Variants in FILIP1 observed in about 807,000 individuals in gnomAD.
The protein encoded by FILIP1 is filamin A interacting protein 1, also known as filamin-A-interacting protein 1.
A neutral mutation model predicts 102.1 loss-of-function variants in FILIP1; 61 were observed. That is an observed-to-expected ratio of 0.60 (90% confidence interval 0.49 to 0.74). The LOEUF (loss-of-function observed/expected upper bound fraction) is 0.74, where lower values mean the gene tolerates loss of function less well. FILIP1 is among the 30% of genes least tolerant of loss of function. The pLI is 0.00. For synonymous variants in FILIP1, 491 were observed against 526.9 expected (o/e 0.93, Z 0.93); for missense variants, 1,314 against 1,441.2 (o/e 0.91, Z 1.43).
At chr6:75,454,739 C>T (rs552562527) in intron 1 of FILIP1, among the ~76,000 whole-genome samples, 5 of 152,256 alleles carry the variant, frequency 3.3e-5, no homozygotes, top group Admixed American at 6.5e-5. Context: ...CAATCTTTTG[C>T]TTGTCAATGT....
At chr6:75,351,114 T>G (rs1410883570) in intron 4 of FILIP1, among the ~76,000 whole-genome samples, 1 of 152,146 alleles carries the variant, frequency 6.6e-6, no homozygotes, top group Non-Finnish European at 1.5e-5. Flanking sequence ...TTGCCCAGGC[T>G]GGAGTGCAAT....
chr6:75,312,175 G>A (rs140908503), intron 5 of FILIP1, among the ~76,000 whole-genome samples: 22 of 152,298 alleles, frequency 1.4e-4, no homozygotes, highest in African/African-American at 4.8e-4. Context: ...TAATTTACAT[G>A]AATAGGTGAA....
chr6:75,435,678 C>G (rs942102769), intron 1 of FILIP1, among the ~76,000 whole-genome samples: 3 of 152,188 alleles, frequency 2.0e-5, no homozygotes, highest in Admixed American at 1.3e-4. Flanking sequence ...CTCTTAAATG[C>G]TGTCCTGACA....
intron 6 of FILIP1, among the ~76,000 whole-genome samples, chr6:75,297,900 A>G (rs1772726440): frequency 6.6e-6 from 1 of 152,234 alleles, no homozygotes; most frequent in Admixed American, 6.5e-5. Context: ...CACAGTACAA[A>G]ATAAGGGTAT....
At chr6:75,322,075 T>G (rs986517641) in intron 4 of FILIP1, among the ~76,000 whole-genome samples, 1 of 152,194 alleles carries the variant, frequency 6.6e-6, no homozygotes, top group Non-Finnish European at 1.5e-5. Context: ...CCCAGTCGAT[T>G]CAGCATTCCA....
At chr6:75,380,845 T>C (rs562057354) in intron 2 of FILIP1, among the ~76,000 whole-genome samples, 1 of 152,206 alleles carries the variant, frequency 6.6e-6, no homozygotes, top group Admixed American at 6.5e-5. Flanking sequence ...ATGGAAAAAA[T>C]ACATGTGAAG....
At chr6:75,364,798 A>T (rs1049163708) in intron 2 of FILIP1, among the ~76,000 whole-genome samples, 1 of 152,234 alleles carries the variant, frequency 6.6e-6, no homozygotes, top group Non-Finnish European at 1.5e-5. Context: ...CCTTGGCATC[A>T]TCCAAAGTAA....
intron 2 of FILIP1, among the ~76,000 whole-genome samples, chr6:75,369,322 T>G (rs927514601): frequency 1.2e-4 from 19 of 152,168 alleles, no homozygotes; most frequent in African/African-American, 4.3e-4. Flanking sequence ...TCTGGACTTT[T>G]GCAAACCAGG....
intron 4 of FILIP1, among the ~76,000 whole-genome samples, chr6:75,323,370 T>C (rs1465722536): frequency 6.6e-6 from 1 of 152,134 alleles, no homozygotes; most frequent in African/African-American, 2.4e-5. Flanking sequence ...TATATCTCAA[T>C]TAAAAACCAG....
intron 2 of FILIP1, chr6:75,398,806 T>C (rs185580926): frequency 6.6e-6 from 1 of 152,252 alleles, no homozygotes; most frequent in East Asian, 1.9e-4. Context: ...TTTACATGAA[T>C]AGTGTAAGCC....
At position 75,312,980 on chromosome 6, in the gene FILIP1, C is replaced by T; in HGVS notation, c.2852G>A (p.Arg951Lys). ...GTTTGGTGATGGAATAATGGTTATT[C>T]TTGGTTTCTGATTCCCTAAGGTAGG... is the stretch of plus-strand genomic sequence containing the variant. ...VIPTLGNQKP[R>K]ITIIPSPNVM... Residue 951 changes from arginine (R) to lysine (K), a missense_variant, in exon 5 of 6, where the codon AGA (arginine) becomes AAA (lysine). By Grantham distance (26) the Arg-to-Lys change is conservative. This residue lies in a region of FILIP1 where 816 missense variants were observed against 913.1 expected (regional missense o/e 0.89). Coordinates refer to ENST00000237172, the MANE Select transcript of FILIP1 (RefSeq NM_015687.5). 3 of 1,614,034 alleles carry T rather than the reference C, an allele frequency of 1.9e-6. No individual in the cohort carries two copies. The highest frequency in any genetic ancestry group is 2.5e-6 in the Non-Finnish European group (3 of 1,179,984).
At chr6:75,297,061 T>A (rs1208166182) in intron 6 of FILIP1, 4 of 152,128 alleles carry the variant, frequency 2.6e-5, no homozygotes, top group Non-Finnish European at 5.9e-5. Flanking sequence ...AAAGAAAATA[T>A]TCAAACTTCA....
intron 4 of FILIP1, among the ~76,000 whole-genome samples, chr6:75,347,986 G>A (rs2149595503): frequency 6.6e-6 from 1 of 151,848 alleles, no homozygotes; most frequent in South Asian, 2.1e-4. Context: ...AGTCCCAGCT[G>A]AGCCTATAAA....
At chr6:75,423,849 G>A (rs912480349) in intron 1 of FILIP1, among the ~76,000 whole-genome samples, 4 of 152,104 alleles carry the variant, frequency 2.6e-5, no homozygotes, top group Admixed American at 6.6e-5. Flanking sequence ...AGAGTTTATC[G>A]AATCCTGAAG....
intron 2 of FILIP1, among the ~76,000 whole-genome samples, chr6:75,401,061 A>G (rs1421683788): frequency 6.6e-6 from 1 of 151,992 alleles, no homozygotes; most frequent in African/African-American, 2.4e-5. Flanking sequence ...CCCCACCCCT[A>G]CTATTTCCTT....
intron 4 of FILIP1, among the ~76,000 whole-genome samples, chr6:75,333,585 A>G (rs1409269699): frequency 1.3e-5 from 2 of 152,154 alleles, no homozygotes; most frequent in Admixed American, 6.6e-5. Flanking sequence ...CAGAGACAAA[A>G]CAGTATTAAC....
chr6:75,457,453 C>G (rs763155221), intron 1 of FILIP1, among the ~76,000 whole-genome samples: 1 of 152,174 alleles, frequency 6.6e-6, no homozygotes, highest in East Asian at 1.9e-4. Flanking sequence ...GTCCTGAAAT[C>G]AGGCCAGGGT....
Position 75,315,020 on chromosome 6 carries a change from A to C in FILIP1, c.812T>G (p.Leu271Arg). The C allele has an allele frequency of 6.2e-7, 1 of 1,614,044 alleles. No homozygotes were observed. The highest frequency in any genetic ancestry group is 8.5e-7 in the Non-Finnish European group (1 of 1,179,984). Reference sequence around the variant, plus strand: ...TTCTTCTTCCCTCAGCTTCTGAGTAAGATCCTGTACTTTCTGGCTTTGCAG... The same window carrying C: ...TTCTTCTTCCCTCAGCTTCTGAGTACGATCCTGTACTTTCTGGCTTTGCAG... Reference protein sequence around the residue: ...LGLQSQKVQDLTQKLREEEEK... With the variant: ...LGLQSQKVQDRTQKLREEEEK... Residue 271 changes from leucine to arginine, a missense_variant, in exon 5 of 6, where the codon CTT becomes CGT. This residue lies in a region of FILIP1 where 494 missense variants were observed against 511.2 expected (regional missense o/e 0.97). Coordinates refer to ENST00000237172, the MANE Select transcript of FILIP1 (RefSeq NM_015687.5).
At chr6:75,343,539 A>T (rs1774482536) in intron 4 of FILIP1, among the ~76,000 whole-genome samples, 1 of 152,236 alleles carries the variant, frequency 6.6e-6, no homozygotes, top group Non-Finnish European at 1.5e-5. Context: ...TCAGAGAAAC[A>T]TCTTATCTAA....
Sources: allele counts gnomAD v4.1 joint callset (sites outside exome capture counted in the v4.1 genomes callset), GRCh38; gene constraint gnomAD v4.1.1; regional missense constraint gnomAD v4.1.1; transcripts MANE v1.5; gene names NCBI Gene and HGNC (gene_info 2026-07-23, HGNC 2026-07-21).